POLDIP3: variants seen among roughly 807,000 people sequenced by gnomAD.
POLDIP3 encodes polymerase delta-interacting protein 3.
Under a neutral mutation model 45.1 loss-of-function variants are expected in POLDIP3, and 14 were observed. The observed-to-expected ratio is 0.31, with a 90% CI of 0.20 to 0.49. The LOEUF is 0.49. POLDIP3 is among the 20% of genes least tolerant of loss of function. POLDIP3 has a pLI of 0.99. For synonymous variants in POLDIP3, 223 were observed against 205.2 expected (o/e 1.09, Z -0.74); for missense variants, 511 against 538.8 (o/e 0.95, Z 0.51).
rs1207275290 is a variant in POLDIP3 at position 42,585,716 on chromosome 22, T to C, written c.*75A>G. The C allele has an allele frequency of 1.3e-4, 187 of 1,484,612 alleles. 2 individuals carry two copies. In the South Asian group the frequency reaches 1.7e-3, roughly 14 times the overall value. 92.0% of individuals were successfully genotyped at this position (1,484,612 alleles called of 1,614,324 possible). On this transcript the variant is annotated 3_prime_UTR_variant, in exon 9 of 9. Coordinates refer to ENST00000252115, the MANE Select transcript of POLDIP3 (RefSeq NM_032311.5). ...CAGGGGTCTCCAGTCCGATGGCCCATTGGTCATAAGCTTTGCCTTGGGGAA... is the reference window on the plus strand; with the variant it reads ...CAGGGGTCTCCAGTCCGATGGCCCACTGGTCATAAGCTTTGCCTTGGGGAA...
intron 5 of POLDIP3, 134 bp from the exon 6 acceptor site, chr22:42,595,748 GAAC>G: frequency 5.4e-6 from 4 of 742,048 alleles, no homozygotes; most frequent in Non-Finnish European, 9.3e-6. Context: ...TGGGCCCCCT[GAAC>G]TTCAGTGTCC....
intron 1 of POLDIP3, among the ~76,000 whole-genome samples, chr22:42,610,506 T>C (rs554862035): frequency 2.6e-5 from 4 of 152,156 alleles, no homozygotes; most frequent in Admixed American, 2.0e-4. Context: ...CACACTGAAC[T>C]GCTTGGAGGC....
chr22:42,591,292 A>G (rs1925656264), intron 7 of POLDIP3, among the ~76,000 whole-genome samples: 1 of 152,196 alleles, frequency 6.6e-6, no homozygotes, highest in Non-Finnish European at 1.5e-5. Context: ...TGCAAATCAG[A>G]ACTCCACTGA....
intron 1 of POLDIP3, among the ~76,000 whole-genome samples, chr22:42,608,409 C>T (rs1926909705): frequency 6.6e-6 from 1 of 151,662 alleles, no homozygotes; most frequent in Non-Finnish European, 1.5e-5. Flanking sequence ...GGAGACAGAA[C>T]AAGACCCTGT....
chr22:42,594,865 A>C (rs948149222), intron 6 of POLDIP3, among the ~76,000 whole-genome samples: 1 of 152,210 alleles, frequency 6.6e-6, no homozygotes, highest in Non-Finnish European at 1.5e-5. Flanking sequence ...GGACACAGGA[A>C]AACACAACTA....
intron 1 of POLDIP3, among the ~76,000 whole-genome samples, chr22:42,614,086 A>C (rs1253767141): frequency 6.6e-6 from 1 of 152,172 alleles, no homozygotes; most frequent in Non-Finnish European, 1.5e-5. Flanking sequence ...TTTCAAGCCC[A>C]TGTAGGAGGC....
intron 4 of POLDIP3, among the ~76,000 whole-genome samples, chr22:42,596,751 GATCAC>G (rs1926017534): frequency 6.6e-6 from 1 of 152,108 alleles, no homozygotes; most frequent in African/African-American, 2.4e-5. Flanking sequence ...AGGCATAGTG[GATCAC>G]ATCTGCCATC....
intron 2 of POLDIP3, 79 bp from the exon 3 acceptor site, chr22:42,602,135 T>G (rs956184488): frequency 6.2e-7 from 1 of 1,603,374 alleles, no homozygotes; most frequent in African/African-American, 1.3e-5. Context: ...CTGAACTTGA[T>G]ACATGGTGGG....
chr22:42,591,095 T>A (rs973800199), intron 7 of POLDIP3, among the ~76,000 whole-genome samples: 7 of 144,074 alleles, frequency 4.9e-5, no homozygotes, highest in African/African-American at 7.7e-5. Flanking sequence ...AAAAAAATAA[T>A]AAAAAATAAA....
Position 42,585,920 on chromosome 22 carries a change from G to A in POLDIP3, c.1137C>T (p.Arg379=). ...TGGAGGAGGAGGCAGAGTTCACCCT[G>A]CGAGGCAGCTCGCTCTCCTTTTTCA... is the stretch of plus-strand genomic sequence containing the variant. ...PSMKKESELP[R]RVNSASSSNP... The change falls in exon 9 of 9, where the codon CGC becomes CGT. Residue 379 remains arginine, a synonymous_variant. Transcript: ENST00000252115. 1 of 1,613,626 alleles carries A rather than the reference G, an allele frequency of 6.2e-7. No homozygotes were observed. The highest frequency in any genetic ancestry group is 1.3e-5 in the African/African-American group (1 of 75,022).
At chr22:42,607,576 G>A (rs1926821415) in intron 1 of POLDIP3, among the ~76,000 whole-genome samples, 1 of 151,178 alleles carries the variant, frequency 6.6e-6, no homozygotes, top group African/African-American at 2.4e-5. Flanking sequence ...CCCATCGTCT[G>A]GGATGTGAGG....
intron 4 of POLDIP3, among the ~76,000 whole-genome samples, chr22:42,599,221 G>A (rs556502308): frequency 3.9e-5 from 6 of 152,218 alleles, no homozygotes; most frequent in Non-Finnish European, 7.3e-5. Flanking sequence ...AGGCACCCCA[G>A]TGTCTCAGCG....
chr22:42,607,094 GTC>G (rs1398214456), intron 1 of POLDIP3, among the ~76,000 whole-genome samples: 6 of 152,208 alleles, frequency 3.9e-5, no homozygotes, highest in African/African-American at 1.4e-4. Flanking sequence ...GCAAAACCCT[GTC>G]TCTACAAAAG....
chr22:42,600,425 G>C (rs1474261962), intron 3 of POLDIP3, among the ~76,000 whole-genome samples: 1 of 151,642 alleles, frequency 6.6e-6, no homozygotes, highest in Non-Finnish European at 1.5e-5. Flanking sequence ...AGGAGATCGA[G>C]ATCATCCTGG....
chr22:42,613,951 A>T (rs1927290207), intron 1 of POLDIP3, among the ~76,000 whole-genome samples: 1 of 152,138 alleles, frequency 6.6e-6, no homozygotes, highest in African/African-American at 2.4e-5. Flanking sequence ...AATGACTAAC[A>T]ACATTTAAGG....
chr22:42,588,909 G>C (rs1007633316), intron 7 of POLDIP3, among the ~76,000 whole-genome samples: 1 of 152,060 alleles, frequency 6.6e-6, no homozygotes, highest in Non-Finnish European at 1.5e-5. Flanking sequence ...GCCCAGCCTA[G>C]GAAACACATT....
rs554729615 is a variant in POLDIP3 at position 42,602,920 on chromosome 22, A to G, written c.300T>C (p.Ser100=). The G allele has an allele frequency of 2.1e-5, 34 of 1,614,042 alleles. No homozygotes were observed. In the African/African-American group the frequency reaches 4.3e-4, roughly 20 times the overall value. Residue 100 remains serine, a synonymous_variant, in exon 2 of 9, where the codon TCT becomes TCC. Coordinates refer to ENST00000252115, the MANE Select transcript of POLDIP3 (RefSeq NM_032311.5). The part of the protein sequence containing the change: ...KVQDAREMLN[S]RKQQTTVPQK... ...GGGGCACCGTGGTCTGCTGCTTGCGAGAGTTCAACATCTCTCTGGCATCCT... is the reference window on the plus strand; with the variant it reads ...GGGGCACCGTGGTCTGCTGCTTGCGGGAGTTCAACATCTCTCTGGCATCCT...
chr22:42,598,090 CTT>C (rs1482496101), intron 4 of POLDIP3, among the ~76,000 whole-genome samples: 1 of 133,108 alleles, frequency 7.5e-6, no homozygotes. Flanking sequence ...CTTCATGTTT[CTT>C]TTTTTTTTGA....
intron 1 of POLDIP3, among the ~76,000 whole-genome samples, chr22:42,614,259 G>A (rs948402980): frequency 4.3e-4 from 66 of 152,360 alleles, no homozygotes; most frequent in African/African-American, 1.5e-3. Flanking sequence ...ATGAGGCATC[G>A]TGTATATGAA....
Sources: gnomAD v4.1 joint callset for allele counts (sites outside exome capture counted in the v4.1 genomes callset) on GRCh38, gnomAD v4.1.1 for gene constraint, MANE v1.5 for transcripts, NCBI Gene and HGNC (gene_info 2026-07-23, HGNC 2026-07-21) for gene names.